The following PCDHA5 variants were observed in gnomAD, a reference collection of about 807,000 sequenced individuals.
The protein encoded by PCDHA5 is protocadherin alpha 5.
In PCDHA5, 43 loss-of-function variants were observed where a neutral mutation model predicts 61.6. The ratio of observed to expected loss-of-function variants is 0.70; its 90% CI spans 0.55 to 0.90. The LOEUF is 0.90. PCDHA5 is among the 40% of genes least tolerant of loss of function. PCDHA5 has a pLI of 0.00. For synonymous variants in PCDHA5, 627 were observed against 543.9 expected (o/e 1.15, Z -2.13); for missense variants, 1,298 against 1,222.7 (o/e 1.06, Z -0.92).
rs2150126265 is a variant in PCDHA5 at position 140,823,483 on chromosome 5, G to A, written c.1708G>A (p.Gly570Ser). ...GCCGGCGCTGCTGGTGCCTCGAGTG[G>A]GTGGCACCGGCGGCGCAGTGAGCGA... ...NAPALLVPRVGGTGGAVSELV... is the reference protein window; with the variant it reads ...NAPALLVPRVSGTGGAVSELV... The change falls in exon 1 of 4, where the codon GGT becomes AGT. Residue 570 changes from glycine (G) to serine (S), a missense_variant. By Grantham distance (56) the Gly-to-Ser change is moderately conservative. Coordinates refer to ENST00000529859, the MANE Select transcript of PCDHA5 (RefSeq NM_018908.3). 3 of 1,613,434 alleles carry A rather than the reference G, an allele frequency of 1.9e-6. No individual in the cohort carries two copies. The South Asian group carries it at 3.3e-5, about 18-fold the overall frequency.
chr5:140,968,201 C>T, intron 1 of PCDHA5: 1 of 1,614,032 alleles, frequency 6.2e-7, no homozygotes, highest in Non-Finnish European at 8.5e-7. Context: ...CATCTACATA[C>T]AGGAGAACAA....
chr5:140,857,428 G>T (rs782142394), intron 1 of PCDHA5: 3 of 1,598,342 alleles, frequency 1.9e-6, no homozygotes, highest in Non-Finnish European at 2.6e-6. Context: ...CCGAGTACAC[G>T]GTGTTCGTGA....
rs1781520198 is a variant in PCDHA5, at chr5:140,848,443, T to C, written c.2352+24316T>C. ...ATGGGACTGACGAAATCAGATGATTTCTTCTAATTTGGAGGCAATTTTCAC... is the reference window on the plus strand; with the variant it reads ...ATGGGACTGACGAAATCAGATGATTCCTTCTAATTTGGAGGCAATTTTCAC... On this transcript the variant is annotated intron_variant, in intron 1 of 3. Transcript: ENST00000529859. 5.4e-6 allele frequency: 8 copies of C among 1,493,744 alleles called. 1 individual carries two copies. The highest frequency in any genetic ancestry group is 7.3e-6 in the Non-Finnish European group (8 of 1,096,078). 92.5% of individuals were successfully genotyped at this position (1,493,744 alleles called of 1,614,324 possible).
intron 3 of PCDHA5, chr5:140,988,873 G>A (rs1471282852): frequency 6.6e-6 from 1 of 152,170 alleles, no homozygotes; most frequent in Non-Finnish European, 1.5e-5. Context: ...GCACTCAGAT[G>A]TACGATCCTG....
intron 1 of PCDHA5, among the ~76,000 whole-genome samples, chr5:140,881,833 A>G (rs1371458560): frequency 6.6e-6 from 1 of 152,252 alleles, no homozygotes; most frequent in Non-Finnish European, 1.5e-5. Flanking sequence ...AAAGTTCTGC[A>G]TGGAATTCTT....
At chr5:140,967,174 G>A (rs1554229282) in intron 1 of PCDHA5, 1 of 1,611,892 alleles carries the variant, frequency 6.2e-7, no homozygotes, top group Non-Finnish European at 8.5e-7. Flanking sequence ...CCGTTGAGGT[G>A]GAAATATTGG....
intron 1 of PCDHA5, among the ~76,000 whole-genome samples, chr5:140,826,894 G>A (rs1466105298): frequency 6.6e-6 from 1 of 152,116 alleles, no homozygotes; most frequent in East Asian, 1.9e-4. Context: ...TACTCATAAA[G>A]ATAAATATGA....
Position 140,913,476 on chromosome 5 carries a change from T to G in PCDHA5, c.2353-65473T>G, listed in dbSNP as rs191224245. On this transcript the variant is annotated intron_variant, in intron 1 of 3. Transcript: ENST00000529859. ...TTTATTTACTTGGGTCTTCTCTCTT[T>G]TTTTCTTCATTAGTCTGTTTAAAAC... Among the ~76,000 whole-genome samples the G allele has an allele frequency of 5.9e-3, 899 of 152,286 alleles. 12 individuals carry two copies. Among genetic ancestry groups the G allele is most frequent in the African/African-American group, 0.02 (842 of 41,576 alleles).
chr5:140,889,329 T>C (rs1554183865), intron 1 of PCDHA5, among the ~76,000 whole-genome samples: 2 of 152,090 alleles, frequency 1.3e-5, no homozygotes, highest in Admixed American at 6.5e-5. Context: ...GTATCAGGAT[T>C]TTGATTGGTG....
intron 1 of PCDHA5, chr5:140,850,691 C>A: frequency 1.3e-6 from 2 of 1,598,334 alleles, no homozygotes; most frequent in Non-Finnish European, 1.7e-6. Context: ...AGGGCGAGTG[C>A]GCGCCTGGCA....
chr5:140,842,553 G>A (rs144906391), intron 1 of PCDHA5: 24 of 1,453,612 alleles, frequency 1.7e-5, no homozygotes. Flanking sequence ...GTGCTGGACA[G>A]CGCCCTGGAC....
At chr5:140,935,255 C>T (rs914593610) in intron 1 of PCDHA5, among the ~76,000 whole-genome samples, 4 of 152,150 alleles carry the variant, frequency 2.6e-5, no homozygotes, top group African/African-American at 9.7e-5. Context: ...TAAAATACAT[C>T]ACATGTTTAT....
chr5:140,882,818 A>G, intron 1 of PCDHA5: 1 of 1,614,226 alleles, frequency 6.2e-7, no homozygotes, highest in Non-Finnish European at 8.5e-7. Flanking sequence ...GGACGCACAA[A>G]ACAGTCTTGA....
intron 1 of PCDHA5, among the ~76,000 whole-genome samples, chr5:140,947,840 T>C (rs1554218335): frequency 6.6e-6 from 1 of 151,630 alleles, no homozygotes; most frequent in Non-Finnish European, 1.5e-5. Context: ...TAATATTTGT[T>C]TATTTATTTT....
intron 1 of PCDHA5, among the ~76,000 whole-genome samples, chr5:140,916,378 A>C (rs772984424): frequency 6.6e-6 from 1 of 152,158 alleles, no homozygotes; most frequent in Non-Finnish European, 1.5e-5. Flanking sequence ...TGTAGCCACC[A>C]CAACTAGGAA....
intron 1 of PCDHA5, chr5:140,877,827 T>C (rs1554170143): frequency 1.2e-6 from 2 of 1,601,676 alleles, no homozygotes; most frequent in Middle Eastern, 1.7e-4. Flanking sequence ...ATTGTTTAAA[T>C]CCTCCCAGTG....
intron 1 of PCDHA5, chr5:140,929,006 C>G: frequency 6.2e-7 from 1 of 1,614,050 alleles, no homozygotes; most frequent in Non-Finnish European, 8.5e-7. Context: ...TTCGTGTGTA[C>G]CAAGTTGCAC....
At chr5:140,948,237 T>C (rs532703710) in intron 1 of PCDHA5, among the ~76,000 whole-genome samples, 1 of 151,810 alleles carries the variant, frequency 6.6e-6, no homozygotes, top group South Asian at 2.1e-4. Flanking sequence ...ACTTGTATTT[T>C]AGTAAATATT....
intron 1 of PCDHA5, among the ~76,000 whole-genome samples, chr5:140,844,362 T>G (rs1209255757): frequency 6.7e-6 from 1 of 149,512 alleles, no homozygotes; most frequent in African/African-American, 2.4e-5. Context: ...GGGAAGAGAT[T>G]TGTAATCCTT....
Sources: gnomAD v4.1 joint callset for allele counts (sites outside exome capture counted in the v4.1 genomes callset) on GRCh38, gnomAD v4.1.1 for gene constraint, MANE v1.5 for transcripts, NCBI Gene and HGNC (gene_info 2026-07-23, HGNC 2026-07-21) for gene names.